The following RCAN2 variants were observed in gnomAD, a reference collection of about 807,000 sequenced individuals.
RCAN2 encodes regulator of calcineurin 2, also known as calcipressin-2.
In RCAN2, 9 loss-of-function variants were observed where a neutral mutation model predicts 23.6. The ratio of observed to expected loss-of-function variants is 0.38; its 90% CI spans 0.23 to 0.67. The LOEUF (loss-of-function observed/expected upper bound fraction) is 0.67. RCAN2 is among the 30% of genes least tolerant of loss of function. RCAN2 has a pLI of 0.51. For synonymous variants in RCAN2, 109 were observed against 115.7 expected, an observed-to-expected ratio of 0.94 and a Z score of 0.37; for missense variants, 273 against 302.3, an observed-to-expected ratio of 0.90 and a Z score of 0.72.
At chr6:46,488,386 TGTA>T (rs752712694) in intron 1 of RCAN2, among the ~76,000 whole-genome samples, 6 of 152,240 alleles carry the variant, frequency 3.9e-5, no homozygotes, top group Non-Finnish European at 7.3e-5. Context: ...GTGTTCAGTA[TGTA>T]GTAAGCACTG....
At chr6:46,387,518 G>T (rs1315138789) in intron 2 of RCAN2, among the ~76,000 whole-genome samples, 1 of 152,160 alleles carries the variant, frequency 6.6e-6, no homozygotes, top group Non-Finnish European at 1.5e-5. Context: ...ATCACCACTG[G>T]CCATCAGAGA....
intron 2 of RCAN2, among the ~76,000 whole-genome samples, chr6:46,405,286 C>G (rs1014914841): frequency 6.6e-6 from 1 of 152,236 alleles, no homozygotes; most frequent in South Asian, 2.1e-4. Context: ...AAAGAGCGAT[C>G]AGCAGCAAGA....
rs1338723379 is a variant in RCAN2 at position 46,456,960 on chromosome 6, T to G, written c.17A>C (p.Tyr6Ser). ...CCCTGGGCTCCTCATTCCGATGAAG[T>G]ATGATTCTCCCCTCATTCCTGGGGA... MRGES[Y>S]FIGMRSPGQQ... Residue 6 changes from tyrosine (Y) to serine (S), a missense_variant, in exon 2 of 5, where the codon TAC becomes TCC. Tyr to Ser is a moderately radical substitution (Grantham distance 144, BLOSUM62 -2). Transcript: ENST00000371374. 6 of 1,550,372 alleles carry G rather than the reference T, an allele frequency of 3.9e-6. No individual in the cohort carries two copies. In the East Asian group the frequency reaches 1.2e-4, roughly 32 times the overall value.
intron 1 of RCAN2, among the ~76,000 whole-genome samples, chr6:46,474,027 T>C (rs1768641380): frequency 6.6e-6 from 1 of 152,052 alleles, no homozygotes; most frequent in African/African-American, 2.4e-5. Flanking sequence ...AGAGGCACTG[T>C]GATTATGCAG....
At chr6:46,224,150 G>T (rs544294456) in intron 4 of RCAN2, among the ~76,000 whole-genome samples, 1 of 152,240 alleles carries the variant, frequency 6.6e-6, no homozygotes, top group East Asian at 1.9e-4. Flanking sequence ...CTTCCTAGTG[G>T]ACTGGCAGCT....
intron 4 of RCAN2, among the ~76,000 whole-genome samples, chr6:46,236,612 A>ATGTG: frequency 6.6e-6 from 1 of 152,290 alleles, no homozygotes; most frequent in South Asian, 2.1e-4. Flanking sequence ...TTCAATGAAT[A>ATGTG]TGTGATTGAT....
At chr6:46,240,198 C>T (rs1766255723) in intron 4 of RCAN2, among the ~76,000 whole-genome samples, 1 of 152,074 alleles carries the variant, frequency 6.6e-6, no homozygotes, top group Non-Finnish European at 1.5e-5. Flanking sequence ...CACACAAATG[C>T]ACACACACAC....
chr6:46,359,968 C>A (rs2150382743), intron 2 of RCAN2, among the ~76,000 whole-genome samples: 1 of 152,298 alleles, frequency 6.6e-6, no homozygotes, highest in African/African-American at 2.4e-5. Flanking sequence ...TTTCCACCAC[C>A]ATATCTCTTG....
intron 2 of RCAN2, among the ~76,000 whole-genome samples, chr6:46,424,667 C>T (rs912624130): frequency 6.6e-6 from 1 of 152,076 alleles, no homozygotes; most frequent in African/African-American, 2.4e-5. Flanking sequence ...GGAGCAGAGG[C>T]GGCAATGTGT....
intron 4 of RCAN2, among the ~76,000 whole-genome samples, chr6:46,232,181 G>T (rs1765915473): frequency 6.6e-6 from 1 of 152,242 alleles, no homozygotes; most frequent in Non-Finnish European, 1.5e-5. Flanking sequence ...ATTGATAGTT[G>T]GCACTAACCC....
intron 2 of RCAN2, among the ~76,000 whole-genome samples, chr6:46,395,571 G>A (rs1179256058): frequency 1.3e-5 from 2 of 152,134 alleles, no homozygotes; most frequent in South Asian, 2.1e-4. Flanking sequence ...ACTCTAATAT[G>A]TCAGATTGTT....
At chr6:46,475,353 A>G (rs928361036) in intron 1 of RCAN2, among the ~76,000 whole-genome samples, 1 of 152,164 alleles carries the variant, frequency 6.6e-6, no homozygotes, top group Non-Finnish European at 1.5e-5. Context: ...CAGCAATTCC[A>G]TTTTTTAACT....
At chr6:46,228,781 C>CAT (rs1765770744) in intron 4 of RCAN2, among the ~76,000 whole-genome samples, 2 of 149,604 alleles carry the variant, frequency 1.3e-5, no homozygotes, top group Non-Finnish European at 3.0e-5. Flanking sequence ...TTACATTTAA[C>CAT]ATTGTTATGT....
At chr6:46,352,562 C>T (rs1764697136) in intron 2 of RCAN2, among the ~76,000 whole-genome samples, 1 of 152,132 alleles carries the variant, frequency 6.6e-6, no homozygotes, top group Admixed American at 6.5e-5. Flanking sequence ...CCTTGCTGGG[C>T]TCCTGTAAAT....
At chr6:46,257,416 G>C (rs1376569474) in intron 2 of RCAN2, among the ~76,000 whole-genome samples, 1 of 152,166 alleles carries the variant, frequency 6.6e-6, no homozygotes, top group Non-Finnish European at 1.5e-5. Flanking sequence ...AAATACCTGA[G>C]ACTGGGTAAT....
chr6:46,316,658 A>G (rs764570074), intron 2 of RCAN2, among the ~76,000 whole-genome samples: 2 of 152,232 alleles, frequency 1.3e-5, no homozygotes, highest in African/African-American at 4.8e-5. Flanking sequence ...AAGGCATTCA[A>G]TGTATATTTG....
At chr6:46,301,836 G>C (rs1461879416) in intron 2 of RCAN2, among the ~76,000 whole-genome samples, 2 of 151,982 alleles carry the variant, frequency 1.3e-5, no homozygotes, top group Non-Finnish European at 2.9e-5. Context: ...ATAAGGGAGT[G>C]AGCACATAGA....
At chr6:46,471,422 T>C (rs1768555816) in intron 1 of RCAN2, among the ~76,000 whole-genome samples, 1 of 152,096 alleles carries the variant, frequency 6.6e-6, no homozygotes, top group South Asian at 2.1e-4. Flanking sequence ...TCTGGGTGTT[T>C]TTAATGTACA....
intron 2 of RCAN2, among the ~76,000 whole-genome samples, chr6:46,278,401 A>AC (rs1052132018): frequency 5.9e-4 from 86 of 146,456 alleles, no homozygotes; most frequent in South Asian, 2.3e-3. Flanking sequence ...ACATACACAC[A>AC]AAAAAAACCC....
Sources: gnomAD v4.1 joint callset for allele counts (sites outside exome capture counted in the v4.1 genomes callset) on GRCh38, gnomAD v4.1.1 for gene constraint, MANE v1.5 for transcripts, NCBI Gene and HGNC (gene_info 2026-07-23, HGNC 2026-07-21) for gene names.